MAP3K5: variants seen among roughly 807,000 people sequenced by gnomAD.
The protein encoded by MAP3K5 is mitogen-activated protein kinase kinase kinase 5, also known as ASK-1.
A neutral mutation model predicts 158.7 loss-of-function variants in MAP3K5; 56 were observed. The ratio of observed to expected loss-of-function variants is 0.35; its 90% CI spans 0.28 to 0.44. The LOEUF is 0.44. Among genes scored for constraint, MAP3K5 ranks in the 20% least tolerant of loss-of-function variants. The probability of loss-of-function intolerance (pLI) is 1.00; values close to 1 mark genes in which losing one functional copy is unlikely to be tolerated. For missense variants in MAP3K5, 1,294 were observed against 1,674.8 expected, an observed-to-expected ratio of 0.77 and a Z score of 3.97; for synonymous variants, 579 against 601.7, an observed-to-expected ratio of 0.96 and a Z score of 0.55.
intron 17 of MAP3K5, 151 bp downstream of exon 17, chr6:136,612,969 A>C (rs1450942081): frequency 1.4e-6 from 1 of 700,960 alleles, no homozygotes; most frequent in Non-Finnish European, 2.2e-6. Flanking sequence ...TAACTGATTC[A>C]GGGTTGAACG....
intron 7 of MAP3K5, among the ~76,000 whole-genome samples, chr6:136,689,929 T>A (rs1780316895): frequency 1.3e-5 from 2 of 151,948 alleles, no homozygotes; most frequent in African/African-American, 4.8e-5. Flanking sequence ...AAAAAAAAAA[T>A]TATAGCTACC....
intron 23 of MAP3K5, among the ~76,000 whole-genome samples, chr6:136,587,683 G>A (rs1036731708): frequency 6.6e-6 from 1 of 152,190 alleles, no homozygotes; most frequent in Admixed American, 6.5e-5. Flanking sequence ...ATCCTTAACA[G>A]CAGTCAGAAG....
At chr6:136,573,103 G>C (rs1197054052) in intron 25 of MAP3K5, among the ~76,000 whole-genome samples, 1 of 152,190 alleles carries the variant, frequency 6.6e-6, no homozygotes, top group East Asian at 1.9e-4. Flanking sequence ...TGAGGGGTGA[G>C]GGTGTTTCCA....
chr6:136,766,702 T>C (rs909584683), intron 1 of MAP3K5, among the ~76,000 whole-genome samples: 75 of 152,328 alleles, frequency 4.9e-4, no homozygotes, highest in Middle Eastern at 3.4e-3. Flanking sequence ...AAAACCAATT[T>C]AAATCTATAA....
chr6:136,792,195 G>A lies in MAP3K5; in HGVS notation c.-38C>T. ...GGCAGCAACGGCGGCGGCGTCCCCC[G>A]CCCAGCCGCACCGCCTGGCCAGCCA... On this transcript the variant is annotated 5_prime_UTR_variant, in exon 1 of 30. Coordinates refer to ENST00000359015, the MANE Select transcript of MAP3K5 (RefSeq NM_005923.4). This position sits in a 1 kb window ranked among gnomAD's most constrained non-coding sequence, Gnocchi z 5.7. The A allele has an allele frequency of 1.3e-6, 2 of 1,521,440 alleles. No individual in the cohort carries two copies. The highest frequency in any genetic ancestry group is 1.8e-6 in the Non-Finnish European group (2 of 1,138,690). 94.2% of individuals were successfully genotyped at this position (1,521,440 alleles called of 1,614,324 possible). A position where few individuals can be genotyped will look rare whatever the true frequency, so the allele number is the denominator to read the frequency against.
intron 1 of MAP3K5, among the ~76,000 whole-genome samples, chr6:136,768,644 T>C (rs1394746310): frequency 1.3e-5 from 2 of 152,194 alleles, no homozygotes; most frequent in African/African-American, 4.8e-5. Context: ...CCAGGCATGG[T>C]GGCTCACGCC....
At chr6:136,607,317 T>C (rs1776144119) in intron 18 of MAP3K5, among the ~76,000 whole-genome samples, 1 of 152,154 alleles carries the variant, frequency 6.6e-6, no homozygotes, top group Non-Finnish European at 1.5e-5. Flanking sequence ...ACATCGTAAA[T>C]TAGACAATTC....
intron 8 of MAP3K5, among the ~76,000 whole-genome samples, chr6:136,667,815 T>G (rs998827157): frequency 6.6e-6 from 1 of 151,366 alleles, no homozygotes; most frequent in Non-Finnish European, 1.5e-5. Context: ...TGTGCCATTG[T>G]GCCCTGAGCA....
At chr6:136,697,951 G>T (rs1449237729) in intron 4 of MAP3K5, among the ~76,000 whole-genome samples, 2 of 152,102 alleles carry the variant, frequency 1.3e-5, no homozygotes, top group Non-Finnish European at 2.9e-5. Flanking sequence ...CGGCATGTTG[G>T]CCAGGCTGGT....
intron 1 of MAP3K5, among the ~76,000 whole-genome samples, chr6:136,762,230 G>A (rs1207715461): frequency 6.6e-6 from 1 of 152,192 alleles, no homozygotes; most frequent in African/African-American, 2.4e-5. Context: ...GAGAAGAGAA[G>A]AGAAGAGACA....
Position 136,720,431 on chromosome 6 carries a change from C to T in MAP3K5, c.588+19G>A. ...AATGCTGATGTTAAAATGAAACATT[C>T]AGTAAACAAGGGAGGTACCTTCAGT... On this transcript the variant is annotated intron_variant, in intron 2 of 29. Coordinates refer to ENST00000359015, the MANE Select transcript of MAP3K5 (RefSeq NM_005923.4). 1 of 1,549,472 alleles carries T rather than the reference C, an allele frequency of 6.5e-7. No homozygotes were observed. The highest frequency in any genetic ancestry group is 1.4e-5 in the African/African-American group (1 of 72,324).
chr6:136,744,380 C>T (rs892744429), intron 1 of MAP3K5, among the ~76,000 whole-genome samples: 1 of 151,428 alleles, frequency 6.6e-6, no homozygotes, highest in East Asian at 1.9e-4. Flanking sequence ...TACATATATA[C>T]ATATATATAT....
chr6:136,673,333 G>GT (rs1779564966), intron 7 of MAP3K5, among the ~76,000 whole-genome samples: 2 of 152,256 alleles, frequency 1.3e-5, no homozygotes, highest in South Asian at 4.1e-4. Context: ...AGTCTCAATA[G>GT]TTTTTTAATA....
intron 28 of MAP3K5, among the ~76,000 whole-genome samples, chr6:136,560,673 C>T (rs1395958526): frequency 2.0e-5 from 3 of 151,996 alleles, no homozygotes; most frequent in East Asian, 1.9e-4. Context: ...ACAGGCCTGG[C>T]GTGGTGGTTC....
intron 21 of MAP3K5, among the ~76,000 whole-genome samples, chr6:136,596,988 C>G (rs549976855): frequency 2.4e-4 from 36 of 152,120 alleles, no homozygotes; most frequent in African/African-American, 4.1e-4. Context: ...AAGAGAGGAG[C>G]CTGGCAGGAT....
chr6:136,671,578 G>T (rs550324596), intron 7 of MAP3K5, among the ~76,000 whole-genome samples: 1 of 152,128 alleles, frequency 6.6e-6, no homozygotes, highest in Non-Finnish European at 1.5e-5. Context: ...CAGTATTCTT[G>T]GCAGAAATTT....
chr6:136,617,793 T>G (rs548120695), intron 15 of MAP3K5, among the ~76,000 whole-genome samples: 35 of 152,088 alleles, frequency 2.3e-4, no homozygotes, highest in African/African-American at 8.4e-4. Flanking sequence ...ATTAGCTGGG[T>G]GTAGTGGCAG....
At chr6:136,602,705 C>A (rs58744956) in intron 19 of MAP3K5, among the ~76,000 whole-genome samples, 3,512 of 152,158 alleles carry the variant, frequency 0.023, 135 homozygotes, top group African/African-American at 0.079. Context: ...AACAATCCAG[C>A]GGATTAAATA....
At chr6:136,734,713 T>C (rs1210260282) in intron 1 of MAP3K5, among the ~76,000 whole-genome samples, 2 of 152,344 alleles carry the variant, frequency 1.3e-5, no homozygotes, top group East Asian at 3.9e-4. Context: ...TTAAGGTCTA[T>C]GTCATTTGTT....
Sources: gnomAD v4.1 joint callset for allele counts (sites outside exome capture counted in the v4.1 genomes callset) on GRCh38, gnomAD v4.1.1 for gene constraint, Gnocchi (gnomAD v3.1) non-coding constraint, MANE v1.5 for transcripts, NCBI Gene and HGNC (gene_info 2026-07-23, HGNC 2026-07-21) for gene names.